BDP1: variants seen among roughly 807,000 people sequenced by gnomAD.
BDP1 encodes the protein BDP1 general transcription factor IIIB subunit.
Under a neutral mutation model 266.6 loss-of-function variants are expected in BDP1, and 169 were observed. The observed-to-expected ratio is 0.63, with a 90% CI of 0.56 to 0.72. The LOEUF (loss-of-function observed/expected upper bound fraction) is 0.72, where lower values mean the gene tolerates loss of function less well. BDP1 is among the 30% of genes least tolerant of loss of function. The pLI is 0.00. For synonymous variants in BDP1, 1,090 were observed against 1,022.4 expected, an observed-to-expected ratio of 1.07 and a Z score of -1.26; for missense variants, 3,015 against 3,053.8, an observed-to-expected ratio of 0.99 and a Z score of 0.30.
chr5:71,574,788 A>T, the BDP1 span, among the ~76,000 whole-genome samples: 34 of 152,312 alleles, frequency 2.2e-4, no homozygotes, highest in Non-Finnish European at 1.0e-4. Context: ...TTCTCCACGA[A>T]AGGAGAAATG....
intron 7 of BDP1, among the ~76,000 whole-genome samples, chr5:71,481,544 G>T (rs939782342): frequency 1.2e-4 from 19 of 152,034 alleles, no homozygotes; most frequent in African/African-American, 4.6e-4. Flanking sequence ...AAGACATCAA[G>T]ACTCTGTTTC....
chr5:71,486,742 A>G, intron 9 of BDP1, 115 bp downstream of exon 9: 1 of 797,372 alleles, frequency 1.3e-6, no homozygotes, highest in Non-Finnish European at 1.9e-6. Context: ...TCATCAAAGC[A>G]TCCAGTTGGA....
At chr5:71,498,029 C>T (rs964285710) in intron 13 of BDP1, among the ~76,000 whole-genome samples, 1 of 151,958 alleles carries the variant, frequency 6.6e-6, no homozygotes. Flanking sequence ...TGGCTCACTA[C>T]AAGCTCTGCC....
chr5:71,534,627 G>A (rs1766475470), intron 26 of BDP1, among the ~76,000 whole-genome samples: 1 of 152,066 alleles, frequency 6.6e-6, no homozygotes, highest in Non-Finnish European at 1.5e-5. Flanking sequence ...AGCTTCCCAA[G>A]TAGCTGGGAC....
In BDP1 at chr5:71,556,993, G is replaced by A. The variant is rs796829172; in HGVS notation, c.7240+68G>A. 5.1e-6 allele frequency: 4 copies of A among 791,378 alleles called. No homozygotes were observed. In the South Asian group the frequency reaches 1.0e-4, roughly 20 times the overall value. The allele number at this position is 791,378 out of a possible 1,614,324, so 49.0% of individuals were successfully genotyped here. ...CTCCTGATTATTTGGGATATACCTT[G>A]TTCAAATATGAGATTGAAACTGAGT... On this transcript the variant is annotated intron_variant, in intron 36 of 38. Transcript: ENST00000358731.
chr5:71,551,401 C>T (rs1032789334), intron 34 of BDP1, among the ~76,000 whole-genome samples: 5 of 152,188 alleles, frequency 3.3e-5, no homozygotes. Flanking sequence ...GGACACAGCA[C>T]ATGTTTCAGA....
intron 6 of BDP1, among the ~76,000 whole-genome samples, chr5:71,469,842 CT>C (rs35377501): frequency 1.0e-3 from 128 of 123,744 alleles, no homozygotes; most frequent in Admixed American, 1.9e-3. Context: ...GTCTCAAACT[CT>C]TTTTTTTTTT....
Position 71,486,524 on chromosome 5 carries a change from G to A in BDP1, c.1110G>A (p.Leu370=). The A allele has an allele frequency of 6.5e-7, 1 of 1,542,484 alleles. No homozygotes were observed. Residue 370 remains leucine (L), a synonymous_variant, in exon 9 of 39, where the codon TTG becomes TTA. Coordinates refer to ENST00000358731, the MANE Select transcript of BDP1 (RefSeq NM_018429.3). ...TTGACTTCGATTTTTTTGCTCATTT[G>A]CTTCAGAAAGTTCTTGCTGAAGAAG... ...RPFDFDFFAH[L]LQKVLAEEEK... is the part of the protein sequence containing the mutation.
intron 7 of BDP1, among the ~76,000 whole-genome samples, chr5:71,473,065 T>C (rs1256312191): frequency 6.6e-6 from 1 of 151,058 alleles, no homozygotes; most frequent in Non-Finnish European, 1.5e-5. Context: ...CGTATTTTTT[T>C]GTAGAGACTG....
chr5:71,537,617 C>G (rs1291825575), intron 26 of BDP1: 1 of 159,522 alleles, frequency 6.3e-6, no homozygotes, highest in Non-Finnish European at 1.5e-5. Flanking sequence ...TCTCTGTTTT[C>G]TGTAGGTAAA....
intron 25 of BDP1, among the ~76,000 whole-genome samples, chr5:71,526,693 T>TC (rs2150522793): frequency 6.7e-6 from 1 of 150,350 alleles, no homozygotes; most frequent in East Asian, 1.9e-4. Flanking sequence ...CTGTTTTTTT[T>TC]TTTTTTTTTT....
chr5:71,555,338 G>C (rs570821708), intron 35 of BDP1, among the ~76,000 whole-genome samples: 3 of 151,850 alleles, frequency 2.0e-5, no homozygotes, highest in African/African-American at 7.2e-5. Flanking sequence ...CTTCATATTT[G>C]TTTGGATATA....
intron 11 of BDP1, among the ~76,000 whole-genome samples, chr5:71,491,397 T>C (rs961724412): frequency 2.0e-5 from 3 of 152,190 alleles, no homozygotes; most frequent in Non-Finnish European, 4.4e-5. Context: ...AGCTTTCTTT[T>C]GGTTGGCGTT....
chr5:71,552,725 C>A (rs1289697694), intron 34 of BDP1, among the ~76,000 whole-genome samples: 1 of 152,254 alleles, frequency 6.6e-6, no homozygotes, highest in Admixed American at 6.5e-5. Flanking sequence ...CAGGCTGAGG[C>A]AGGAGAACCA....
chr5:71,486,760 T>G (rs914769763), intron 9 of BDP1, 133 bp downstream of exon 9: 19 of 695,828 alleles, frequency 2.7e-5, no homozygotes, highest in Admixed American at 4.0e-5. Flanking sequence ...GGAGGGAGTA[T>G]ATGTTTTTTC....
At position 71,464,077 on chromosome 5, in the gene BDP1, A is replaced by G; in HGVS notation, c.619A>G (p.Lys207Glu). 6.3e-7 allele frequency: 1 copy of G among 1,578,098 alleles called. No homozygotes were observed. Among genetic ancestry groups the G allele is most frequent in the Non-Finnish European group, 8.6e-7 (1 of 1,159,764 alleles). ...CAATAGTTCTTCACTGGAACAAGAA[A>G]AGAAAACTGAAAAGCCATCGACTCC... ...NPMTSSLEQE[K>E]KTEKPSTPVQ... is the part of the protein sequence containing the mutation. The change falls in exon 4 of 39, where the codon AAG becomes GAG. Residue 207 changes from lysine (K) to glutamate (E), a missense_variant. Lys to Glu is a moderately conservative substitution (Grantham distance 56, BLOSUM62 1). This residue lies in a region of BDP1 where 2,383 missense variants were observed against 2,404.9 expected (regional missense o/e 0.99). Transcript: ENST00000358731.
At chr5:71,557,713 A>G (rs62361779) in intron 36 of BDP1, among the ~76,000 whole-genome samples, 1 of 50,620 alleles carries the variant, frequency 2.0e-5, no homozygotes, top group African/African-American at 6.0e-5. Context: ...TCTTGAATGT[A>G]TTTTTGTAGA....
At position 71,467,456 on chromosome 5, in the gene BDP1, A is replaced by T. The variant is rs773712629; in HGVS notation, c.888A>T (p.Lys296Asn). The change falls in exon 6 of 39, where the codon AAA becomes AAT. Residue 296 changes from lysine (K) to asparagine (N), a missense_variant. Lys to Asn is a moderately conservative substitution (Grantham distance 94). Transcript: ENST00000358731. ...GSTTTYSSFR[K>N]NYYSKPWSNK... ...CAACTACATACTCCAGCTTTAGGAA[A>T]AACTATTACTCTAAACCATGGTCAA... 16 of 1,608,524 alleles carry T rather than the reference A, an allele frequency of 9.9e-6. No individual in the cohort carries two copies. The highest frequency in any genetic ancestry group is 1.4e-5 in the Non-Finnish European group (16 of 1,175,664).
chr5:71,486,180 C>T (rs1381612283), intron 8 of BDP1, among the ~76,000 whole-genome samples: 1 of 151,928 alleles, frequency 6.6e-6, no homozygotes, highest in Admixed American at 6.6e-5. Context: ...TAGTTTGTTC[C>T]TTTTGTTTTG....
Sources: gnomAD v4.1 joint callset for allele counts (sites outside exome capture counted in the v4.1 genomes callset) on GRCh38, gnomAD v4.1.1 for gene constraint, gnomAD v4.1.1 regional missense constraint, MANE v1.5 for transcripts, NCBI Gene and HGNC (gene_info 2026-07-23, HGNC 2026-07-21) for gene names.